The following WNT5B variants were observed in gnomAD, a reference collection of about 807,000 sequenced individuals.
The protein encoded by WNT5B is Wnt family member 5B, also known as protein Wnt-5b.
A neutral mutation model predicts 36.5 loss-of-function variants in WNT5B; 18 were observed. The ratio of observed to expected loss-of-function variants is 0.49; its 90% CI spans 0.34 to 0.73. The LOEUF is 0.73. Among genes scored for constraint, WNT5B ranks in the 30% least tolerant of loss-of-function variants. The pLI, the probability that WNT5B is intolerant of heterozygous loss-of-function variation, is 0.01. For missense variants in WNT5B, 424 were observed against 508.4 expected (o/e 0.83, Z 1.60); for synonymous variants, 213 against 212.3 (o/e 1.00, Z -0.03).
intron 1 of WNT5B, among the ~76,000 whole-genome samples, chr12:1,623,485 G>T (rs1022994793): frequency 3.9e-5 from 6 of 152,094 alleles, no homozygotes; most frequent in African/African-American, 1.2e-4. Context: ...TTGAGCCACC[G>T]CGCCCGGCCT....
In WNT5B at chr12:1,618,204, T is replaced by TC. The variant is rs2094529470; in HGVS notation, c.-58+1065dup. ...TCCTGGTTTTAAAAGTTGCATGGTT[T>TC]CCCCAGGTCCTTTAAAAATACGCTC... On this transcript the variant is annotated intron_variant, in intron 1 of 4. Transcript: ENST00000310594. The surrounding 1 kb of genome is among the most constrained non-coding windows in gnomAD (Gnocchi z 4.1). Among the ~76,000 whole-genome samples, 1 of 152,128 alleles carries TC rather than the reference T, an allele frequency of 6.6e-6. No homozygotes were observed. The highest frequency in any genetic ancestry group is 2.4e-5 in the African/African-American group (1 of 41,414).
At chr12:1,643,522 C>T (rs141524510) in intron 4 of WNT5B, among the ~76,000 whole-genome samples, 85 of 152,126 alleles carry the variant, frequency 5.6e-4, no homozygotes, top group African/African-American at 1.7e-3. Context: ...TGTGCCACCA[C>T]GCCTGGGCTA....
intron 3 of WNT5B, among the ~76,000 whole-genome samples, chr12:1,636,383 A>G (rs1375624221): frequency 2.0e-5 from 3 of 151,236 alleles, no homozygotes; most frequent in African/African-American, 7.3e-5. Flanking sequence ...TTCTGTCTCC[A>G]TGGATTTGCC....
rs1484193759 is a variant in WNT5B, at chr12:1,636,319, C to T, written c.329-3365C>T. 4.6e-5 allele frequency among the ~76,000 whole-genome samples: 7 copies of T among 151,646 alleles called. 1 individual carries two copies. The highest frequency in any genetic ancestry group is 1.5e-4 in the African/African-American group (6 of 41,278). ...CCGCTCCACAGAGAAACTGCACACC[C>T]GTTAACTGTCACTCTGCGTACCCCA... On this transcript the variant is annotated intron_variant, in intron 3 of 4. Coordinates refer to ENST00000397196, the MANE Select transcript of WNT5B (RefSeq NM_032642.3).
chr12:1,626,324 C>T (rs191755402), upstream of WNT5B, among the ~76,000 whole-genome samples: 8 of 151,014 alleles, frequency 5.3e-5, no homozygotes, highest in Non-Finnish European at 8.8e-5. Context: ...AGTGCAATGG[C>T]GCAGTCTCAG....
intron 1 of WNT5B, among the ~76,000 whole-genome samples, chr12:1,621,882 A>G (rs2094534235): frequency 6.6e-6 from 1 of 152,062 alleles, no homozygotes; most frequent in African/African-American, 2.4e-5. Context: ...AAATTTCACG[A>G]ACAAGCAATT....
At chr12:1,640,155 A>T (rs1045982853) in intron 4 of WNT5B, among the ~76,000 whole-genome samples, 179 bp downstream of exon 4, 7 of 152,188 alleles carry the variant, frequency 4.6e-5, no homozygotes, top group Non-Finnish European at 8.8e-5. Flanking sequence ...AAAATGCCCC[A>T]CTTCCCAATG....
Position 1,645,814 on chromosome 12 carries a change from C to T in WNT5B, c.642C>T (p.Asp214=), listed in dbSNP as rs756050341. The T allele has an allele frequency of 2.3e-5, 36 of 1,592,070 alleles. No homozygotes were observed. The highest frequency in any genetic ancestry group is 1.2e-4 in the African/African-American group (9 of 74,578). The part of the protein sequence containing the change: ...AGRRAVYKMA[D]VACKCHGVSG... ...CCTAGGCTGTGTATAAGATGGCAGA[C>T]GTAGCCTGCAAATGCCACGGCGTCT... The change falls in exon 5 of 5, where the codon GAC becomes GAT. Residue 214 remains aspartate (D), a synonymous_variant. Transcript: ENST00000397196.
chr12:1,640,444 G>T lies in WNT5B; in HGVS notation c.621+468G>T, dbSNP rs546597293. On this transcript the variant is annotated intron_variant, in intron 4 of 4. Coordinates refer to ENST00000397196, the MANE Select transcript of WNT5B (RefSeq NM_032642.3). ...TGCTGTCATACGTATCCAGAACCCA[G>T]TCAAAAAACACATTCAAATACTAAT... Among the ~76,000 whole-genome samples, 7 of 152,310 alleles carry T rather than the reference G, an allele frequency of 4.6e-5. No homozygotes were observed. In the South Asian group the frequency reaches 1.4e-3, roughly 32 times the overall value.
chr12:1,621,707 ATT>A (rs34640616), intron 1 of WNT5B, among the ~76,000 whole-genome samples: 28,468 of 140,908 alleles, frequency 0.2, 2,894 homozygotes, highest in East Asian at 0.3. Flanking sequence ...ATATCCAGCT[ATT>A]TTTTTTTTTT....
At chr12:1,625,767 G>T (rs913483548), upstream of WNT5B, among the ~76,000 whole-genome samples, 25 of 151,936 alleles carry the variant, frequency 1.6e-4, no homozygotes, top group African/African-American at 6.0e-4. Flanking sequence ...AGGTTCAAGC[G>T]ATTCTCCTGC....
At chr12:1,636,497 CTATATATATATATATATATATA>C (rs56095993) in intron 3 of WNT5B, among the ~76,000 whole-genome samples, 39 of 81,122 alleles carry the variant, frequency 4.8e-4, no homozygotes, top group Non-Finnish European at 6.4e-4. Flanking sequence ...GTGTTGCAGT[CTATATATATATATATATATATA>C]TATATATATA....
At chr12:1,641,139 C>G (rs1046049081) in intron 4 of WNT5B, among the ~76,000 whole-genome samples, 14 of 152,206 alleles carry the variant, frequency 9.2e-5, no homozygotes, top group African/African-American at 2.7e-4. Flanking sequence ...AATCCCAGCG[C>G]TTTGGGAGGC....
upstream of WNT5B, among the ~76,000 whole-genome samples, chr12:1,626,989 C>T (rs2094542185): frequency 6.6e-6 from 1 of 152,310 alleles, no homozygotes; most frequent in Admixed American, 6.5e-5. Flanking sequence ...TGTGTACTAT[C>T]CTATCCACTG....
At chr12:1,645,770 A>C (rs2094584138) in intron 4 of WNT5B, 24 bp from the exon 5 acceptor site, 1 of 1,542,684 alleles carries the variant, frequency 6.5e-7, no homozygotes, top group Admixed American at 1.9e-5. Flanking sequence ...CCTCCTTCTT[A>C]CTGCCTTCTT....
chr12:1,621,373 T>A (rs908654652), intron 1 of WNT5B, among the ~76,000 whole-genome samples: 12 of 152,092 alleles, frequency 7.9e-5, no homozygotes, highest in Non-Finnish European at 1.2e-4. Context: ...TCTAGGAAGA[T>A]TCACTCAACC....
upstream of WNT5B, among the ~76,000 whole-genome samples, chr12:1,628,589 G>A (rs1183854512): frequency 6.6e-6 from 1 of 152,186 alleles, no homozygotes; most frequent in African/African-American, 2.4e-5. Context: ...AGCCTCCCCT[G>A]GTTGAATCCT....
At chr12:1,637,255 T>C (rs1477505503) in intron 3 of WNT5B, among the ~76,000 whole-genome samples, 2 of 152,352 alleles carry the variant, frequency 1.3e-5, no homozygotes, top group East Asian at 1.9e-4. Flanking sequence ...TTGCCTGTTA[T>C]GAATAATGCT....
chr12:1,631,310 T>C lies in WNT5B; in HGVS notation c.-45T>C, dbSNP rs2094550298. ...CTGTTTTCTCCAGGGAACCCTACTC[T>C]GGAAACTGTCAGTCCCAGGGCACTG... On this transcript the variant is annotated 5_prime_UTR_variant, in exon 2 of 5. Coordinates refer to ENST00000397196, the MANE Select transcript of WNT5B (RefSeq NM_032642.3). The C allele has an allele frequency of 1.2e-6, 2 of 1,610,590 alleles. No individual in the cohort carries two copies. The highest frequency in any genetic ancestry group is 3.3e-5 in the Admixed American group (2 of 59,736).
Sources: gnomAD v4.1 joint callset for allele counts (sites outside exome capture counted in the v4.1 genomes callset) on GRCh38, gnomAD v4.1.1 for gene constraint, Gnocchi (gnomAD v3.1) non-coding constraint, MANE v1.5 for transcripts, NCBI Gene and HGNC (gene_info 2026-07-23, HGNC 2026-07-21) for gene names.